ERC2: variants seen among roughly 807,000 people sequenced by gnomAD.
The protein encoded by ERC2 is ELKS/RAB6-interacting/CAST family member 2, also known as ERC protein 2.
ERC2 carries 42 observed loss-of-function variants against 114.8 expected under a neutral mutation model. That is an observed-to-expected ratio of 0.37 (90% CI 0.29 to 0.47). ERC2 has a LOEUF of 0.47. ERC2 is among the 20% of genes least tolerant of loss of function. The pLI is 0.99. For missense variants in ERC2, 939 were observed against 1,150.7 expected, an observed-to-expected ratio of 0.82 and a Z score of 2.66; for synonymous variants, 454 against 425.5, an observed-to-expected ratio of 1.07 and a Z score of -0.82.
At chr3:56,044,404 CT>C (rs1455572640) in intron 7 of ERC2, among the ~76,000 whole-genome samples, 1 of 151,248 alleles carries the variant, frequency 6.6e-6, no homozygotes, top group Non-Finnish European at 1.5e-5. Flanking sequence ...TGGTTATGAT[CT>C]TTTACTTTTT....
At chr3:56,313,683 C>G (rs1252684321) in intron 2 of ERC2, among the ~76,000 whole-genome samples, 1 of 152,162 alleles carries the variant, frequency 6.6e-6, no homozygotes. Flanking sequence ...GTTTCAAGGA[C>G]TCCCTGCTCC....
chr3:55,607,632 T>C (rs1202187422), intron 17 of ERC2, among the ~76,000 whole-genome samples: 1 of 130,518 alleles, frequency 7.7e-6, no homozygotes, highest in African/African-American at 2.8e-5. Flanking sequence ...TTTTTTTTTC[T>C]ATAAGAAGAG....
At chr3:55,796,787 T>C (rs889198595) in intron 14 of ERC2, among the ~76,000 whole-genome samples, 1 of 152,232 alleles carries the variant, frequency 6.6e-6, no homozygotes, top group Non-Finnish European at 1.5e-5. Flanking sequence ...TGTTTATAAA[T>C]TGTCTCTGGC....
intron 3 of ERC2, among the ~76,000 whole-genome samples, chr3:56,263,775 A>C (rs375266509): frequency 6.6e-6 from 1 of 152,312 alleles, no homozygotes; most frequent in East Asian, 1.9e-4. Flanking sequence ...TCTTTCAAAA[A>C]TAGAACTAGA....
intron 14 of ERC2, among the ~76,000 whole-genome samples, chr3:55,783,755 C>A (rs886942965): frequency 2.0e-5 from 3 of 152,132 alleles, no homozygotes; most frequent in African/African-American, 7.2e-5. Context: ...TCATCACTTG[C>A]CCCAACAGGT....
intron 4 of ERC2, among the ~76,000 whole-genome samples, chr3:56,168,515 T>C (rs575658059): frequency 6.6e-6 from 1 of 152,288 alleles, no homozygotes; most frequent in East Asian, 1.9e-4. Flanking sequence ...AGCTACTTCA[T>C]AGTGTCTCTG....
chr3:56,390,640 G>A (rs1341306433), intron 2 of ERC2, among the ~76,000 whole-genome samples: 4 of 152,142 alleles, frequency 2.6e-5, no homozygotes, highest in African/African-American at 9.7e-5. Flanking sequence ...ACAATAGCTG[G>A]ATATACAGAA....
chr3:55,808,703 A>T (rs1228792964), intron 14 of ERC2, among the ~76,000 whole-genome samples: 2 of 20,238 alleles, frequency 9.9e-5, no homozygotes, highest in South Asian at 9.2e-4. Flanking sequence ...CCATAATTTT[A>T]TATATATATA....
intron 2 of ERC2, among the ~76,000 whole-genome samples, chr3:56,410,307 A>G (rs771445787): frequency 7.2e-5 from 11 of 152,260 alleles, no homozygotes; most frequent in Non-Finnish European, 1.5e-4. Context: ...GCAATAAAGC[A>G]TGTATTCATT....
chr3:55,796,702 G>A (rs1201906675), intron 14 of ERC2, among the ~76,000 whole-genome samples: 1 of 152,210 alleles, frequency 6.6e-6, no homozygotes, highest in Non-Finnish European at 1.5e-5. Flanking sequence ...TGGGATTACA[G>A]GCATGAGCCA....
At chr3:56,256,600 A>G (rs551520608) in intron 3 of ERC2, among the ~76,000 whole-genome samples, 56 of 151,928 alleles carry the variant, frequency 3.7e-4, no homozygotes, top group Non-Finnish European at 7.4e-4. Flanking sequence ...AGACTGGACC[A>G]TGATACGGTT....
chr3:55,900,201 T>C (rs2064060480), intron 13 of ERC2, among the ~76,000 whole-genome samples: 1 of 152,266 alleles, frequency 6.6e-6, no homozygotes, highest in Non-Finnish European at 1.5e-5. Context: ...CAATGCACTT[T>C]ACTCATTTCA....
intron 17 of ERC2, among the ~76,000 whole-genome samples, chr3:55,561,966 A>T (rs2056053793): frequency 6.6e-6 from 1 of 152,190 alleles, no homozygotes; most frequent in East Asian, 1.9e-4. Flanking sequence ...AGTTGACAGA[A>T]GCCATCCTGC....
intron 3 of ERC2, among the ~76,000 whole-genome samples, chr3:56,236,040 G>A (rs185504414): frequency 1.3e-5 from 2 of 152,324 alleles, no homozygotes; most frequent in Admixed American, 6.5e-5. Context: ...AGAAAGGTGG[G>A]ATCTGAAAGA....
At chr3:55,806,297 T>G (rs1299397194) in intron 14 of ERC2, among the ~76,000 whole-genome samples, 2 of 146,242 alleles carry the variant, frequency 1.4e-5, no homozygotes, top group African/African-American at 2.5e-5. Context: ...ATCATGCCAC[T>G]GCACTCCAGT....
Position 56,195,174 on chromosome 3 carries a change from G to A in ERC2, c.1075-21654C>T, listed in dbSNP as rs561632603. On this transcript the variant is annotated intron_variant, in intron 3 of 17. Coordinates refer to ENST00000288221, the MANE Select transcript of ERC2 (RefSeq NM_015576.3). ...AGGGTTCCTTGAACACAAGCACTAC[G>A]ATACCATGACAACTGATCTGATCAC... Among the ~76,000 whole-genome samples, 52 of 152,158 alleles carry A rather than the reference G, an allele frequency of 3.4e-4. 1 individual carries two copies. The South Asian group carries it at 0.011, about 31-fold the overall frequency.
chr3:56,203,099 G>A (rs1240447143), intron 3 of ERC2, among the ~76,000 whole-genome samples: 1 of 152,190 alleles, frequency 6.6e-6, no homozygotes, highest in Non-Finnish European at 1.5e-5. Context: ...ACCTGGGCTC[G>A]TATTTCCTGA....
At chr3:55,541,075 G>A (rs2054364010) in intron 17 of ERC2, among the ~76,000 whole-genome samples, 1 of 152,136 alleles carries the variant, frequency 6.6e-6, no homozygotes, top group Admixed American at 6.5e-5. Context: ...CAAACTTTGG[G>A]TTCAGCTCAG....
chr3:56,453,864 G>C (rs548155033), intron 1 of ERC2, among the ~76,000 whole-genome samples: 31 of 152,272 alleles, frequency 2.0e-4, no homozygotes, highest in African/African-American at 6.7e-4. Flanking sequence ...TCCAAATAGT[G>C]AATGCCAGCG....
Sources: gnomAD v4.1 joint callset for allele counts (sites outside exome capture counted in the v4.1 genomes callset) on GRCh38, gnomAD v4.1.1 for gene constraint, MANE v1.5 for transcripts, NCBI Gene and HGNC (gene_info 2026-07-23, HGNC 2026-07-21) for gene names.